The following PTGES2 variants were observed in gnomAD, a reference collection of about 807,000 sequenced individuals.
PTGES2 encodes the protein prostaglandin E synthase 2.
In PTGES2, 35 loss-of-function variants were observed where a neutral mutation model predicts 44.5. The observed-to-expected ratio is 0.79, with a 90% CI of 0.60 to 1.04. The LOEUF is 1.04. Ranked by LOEUF, PTGES2 falls within the 50% of genes least tolerant of loss-of-function variation. PTGES2 has a pLI of 0.00. For missense variants in PTGES2, 517 were observed against 521.4 expected (o/e 0.99, Z 0.08); for synonymous variants, 221 against 227.5 (o/e 0.97, Z 0.26).
chr9:128,128,198 C>G (rs570961736), upstream of PTGES2: 2 of 390,782 alleles, frequency 5.1e-6, no homozygotes, highest in African/African-American at 2.1e-5. Context: ...TGCCCTCCCG[C>G]CTCATTGTCC....
Position 128,123,049 on chromosome 9 carries a change from G to A in PTGES2, c.772C>T (p.Leu258=), listed in dbSNP as rs376627795. 9.3e-6 allele frequency: 15 copies of A among 1,613,566 alleles called. No homozygotes were observed. Among genetic ancestry groups the A allele is most frequent in the African/African-American group, 1.3e-5 (1 of 74,932 alleles). The change falls in exon 5 of 7, where the codon CTG becomes TTG. Residue 258 remains leucine (L), a synonymous_variant. Transcript: ENST00000338961. The surrounding 1 kb of genome is among the most constrained non-coding windows in gnomAD (Gnocchi z 4.4). ...CGGACAATGTAGTCAAAGGACGCCA[G>A]AGCCTCGGTGGGCGTGCGGTACACA... ...PNVYRTPTEA[L]ASFDYIVREG... is the part of the protein sequence containing the mutation.
chr9:128,122,533 G>A lies in PTGES2; in HGVS notation c.888-54C>T. On this transcript the variant is annotated intron_variant, in intron 5 of 6. Transcript: ENST00000338961. ...GGGAGCCCCCACTCCCAGCCCAGCA[G>A]GGAAGAGGGTCTCCTCTGGGGAGAG... 2.0e-6 allele frequency: 3 copies of A among 1,490,730 alleles called. No individual in the cohort carries two copies. In the South Asian group the frequency reaches 3.4e-5, roughly 17 times the overall value. The allele number at this position is 1,490,730 out of a possible 1,614,324, so 92.3% of individuals were successfully genotyped here.
rs1250597668 is a variant in PTGES2, at chr9:128,123,448, G to T, written c.686+254C>A. Reference sequence around the variant, plus strand: ...TTTTATAGAGATGGGGTTTTGCCATGTTGGCCAGGCTGGTCTTGAACTCCT... The same window carrying T: ...TTTTATAGAGATGGGGTTTTGCCATTTTGGCCAGGCTGGTCTTGAACTCCT... On this transcript the variant is annotated intron_variant, in intron 4 of 6. Transcript: ENST00000338961. The surrounding 1 kb of genome is among the most constrained non-coding windows in gnomAD (Gnocchi z 4.4). Among the ~76,000 whole-genome samples, 1 of 152,136 alleles carries T rather than the reference G, an allele frequency of 6.6e-6. No homozygotes were observed. Among genetic ancestry groups the T allele is most frequent in the Non-Finnish European group, 1.5e-5 (1 of 68,016 alleles).
Position 128,122,345 on chromosome 9 carries a change from G to T in PTGES2, c.1005+17C>A. Reference sequence around the variant, plus strand: ...AGAACCCTCGGTCCAGGCACCACCTGCCACCACCACACTCACCAAATCAGC... The same window carrying T: ...AGAACCCTCGGTCCAGGCACCACCTTCCACCACCACACTCACCAAATCAGC... On this transcript the variant is annotated intron_variant, in intron 6 of 6. Transcript: ENST00000338961. 1 of 1,598,740 alleles carries T rather than the reference G, an allele frequency of 6.3e-7. No individual in the cohort carries two copies. Among genetic ancestry groups the T allele is most frequent in the Non-Finnish European group, 8.6e-7 (1 of 1,166,044 alleles).
rs779469553 is a variant in PTGES2 at position 128,127,529 on chromosome 9, C to A, written c.189G>T (p.Ala63=). 1 of 1,302,148 alleles carries A rather than the reference C, an allele frequency of 7.7e-7. No individual in the cohort carries two copies. The highest frequency in any genetic ancestry group is 9.8e-7 in the Non-Finnish European group (1 of 1,025,254). The allele number at this position is 1,302,148 out of a possible 1,614,324, so 80.7% of individuals were successfully genotyped here. Residue 63 remains alanine (A), a synonymous_variant, in exon 1 of 7, where the codon GCG becomes GCT. Coordinates refer to ENST00000338961, the MANE Select transcript of PTGES2 (RefSeq NM_025072.7). The part of the protein sequence containing the change: ...KGSPRLLGAA[A]LALGGALGLY... ...GCCCCAGGGCTCCCCCCAGGGCCAG[C>A]GCCGCAGCTCCCAGCAGCCGCGGGC...
In PTGES2 at chr9:128,124,511, T is replaced by G. The variant is rs760073224; in HGVS notation, c.517A>C (p.Lys173Gln). 1.9e-6 allele frequency: 3 copies of G among 1,613,630 alleles called. No individual in the cohort carries two copies. The highest frequency in any genetic ancestry group is 2.5e-6 in the Non-Finnish European group (3 of 1,179,708). Residue 173 changes from lysine to glutamine, a missense_variant, in exon 3 of 7, where the codon AAG (lysine) becomes CAG (glutamine). Physicochemically the swap from Lys to Gln is moderately conservative, Grantham distance 53. Coordinates refer to ENST00000338961, the MANE Select transcript of PTGES2 (RefSeq NM_025072.7). ...NDSSVIISAL[K>Q]TYLVSGQPLE... ...CCTTACCCCGACACCAGGTAGGTCT[T>G]GAGGGCGCTGATGATGACAGAGGAG...
chr9:128,127,982 C>G (rs950362475), upstream of PTGES2: 2 of 442,248 alleles, frequency 4.5e-6, no homozygotes, highest in African/African-American at 2.1e-5. Flanking sequence ...ACCCGGCCGA[C>G]TGCAGGGGGG....
Position 128,122,385 on chromosome 9 carries a change from G to A in PTGES2, c.982C>T (p.Gln328Ter), listed in dbSNP as rs755759949. The change falls in exon 6 of 7, where the codon CAG becomes TAG. Residue 328 changes from glutamine to a stop codon, truncating the protein, a stop_gained. Coordinates refer to ENST00000338961, the MANE Select transcript of PTGES2 (RefSeq NM_025072.7). LOFTEE classifies it high-confidence loss of function. ...ACCAAATCAGCGAGATTCGGCTTCT[G>A]GCCCCCCATGAAGGGCCGGTCCTTG... ...VGKDRPFMGG[Q>*]KPNLADLAVY... 2 of 1,614,058 alleles carry A rather than the reference G, an allele frequency of 1.2e-6. No individual in the cohort carries two copies. The highest frequency in any genetic ancestry group is 2.2e-5 in the East Asian group (1 of 44,884).
rs370551122 is a variant in PTGES2 at position 128,122,486 on chromosome 9, G to A, written c.888-7C>T. 140 of 1,611,706 alleles carry A rather than the reference G, an allele frequency of 8.7e-5. No homozygotes were observed. Among genetic ancestry groups the A allele is most frequent in the Admixed American group, 1.8e-4 (11 of 59,992 alleles). On this transcript the variant is annotated splice_polypyrimidine_tract_variant and splice_region_variant and intron_variant, in intron 5 of 6. Transcript: ENST00000338961. ...GTTGTCCTGGAGGCGGTGCCTGGGCGGGGAAGGGAAAAGCCCCTCAGGGGA... is the reference window on the plus strand; with the variant it reads ...GTTGTCCTGGAGGCGGTGCCTGGGCAGGGAAGGGAAAAGCCCCTCAGGGGA...
upstream of PTGES2, chr9:128,128,404 T>C (rs916436628): frequency 2.2e-5 from 10 of 454,612 alleles, no homozygotes; most frequent in Non-Finnish European, 3.5e-5. Flanking sequence ...GCCCGGAGCC[T>C]CCACCGCATA....
Position 128,124,866 on chromosome 9 carries a change from C to T in PTGES2, c.478-316G>A, listed in dbSNP as rs979130505. On this transcript the variant is annotated intron_variant, in intron 2 of 6. Coordinates refer to ENST00000338961, the MANE Select transcript of PTGES2 (RefSeq NM_025072.7). Reference sequence around the variant, plus strand: ...CACTGTGCCAGGCATTTCATATCTGCCGTCCCTGCAAGCCAGAATATGGTC... The same window carrying T: ...CACTGTGCCAGGCATTTCATATCTGTCGTCCCTGCAAGCCAGAATATGGTC... 13 of 1,245,142 alleles carry T rather than the reference C, an allele frequency of 1.0e-5. No homozygotes were observed. In the East Asian group the frequency reaches 4.9e-4, roughly 46 times the overall value. 77.1% of individuals were successfully genotyped at this position (1,245,142 alleles called of 1,614,324 possible). A position where few individuals can be genotyped will look rare whatever the true frequency, so the allele number is the denominator to read the frequency against.
At chr9:128,125,213 G>A in intron 2 of PTGES2, 31 bp downstream of exon 2, 1 of 1,546,260 alleles carries the variant, frequency 6.5e-7, no homozygotes, top group South Asian at 1.2e-5. Context: ...CAGGAAAGGA[G>A]GAAGGATGCA....
At chr9:128,124,105 C>T (rs1231381773) in intron 3 of PTGES2, among the ~76,000 whole-genome samples, 8 of 150,264 alleles carry the variant, frequency 5.3e-5, no homozygotes, top group Non-Finnish European at 1.0e-4. Context: ...TTTTTTGAGA[C>T]GGAGTCTCGC....
chr9:128,123,110 C>T lies in PTGES2; in HGVS notation c.711G>A (p.Trp237Ter), dbSNP rs1454921879. ...TCAGGTGCACCAGCCAGTCGTCCGC[C>T]CACTGCCGCCACTTCATCTCCTCCC... ...ARTEEMKWRQ[W>*]ADDWLVHLIS... Residue 237 changes from tryptophan (W) to a stop codon, truncating the protein, a stop_gained, in exon 5 of 7, where the codon TGG (tryptophan) becomes TGA (stop). Coordinates refer to ENST00000338961, the MANE Select transcript of PTGES2 (RefSeq NM_025072.7). LOFTEE classifies it high-confidence loss of function. This position sits in a 1 kb window ranked among gnomAD's most constrained non-coding sequence, Gnocchi z 4.4. 1.9e-6 allele frequency: 3 copies of T among 1,610,114 alleles called. No individual in the cohort carries two copies. The highest frequency in any genetic ancestry group is 2.7e-5 in the African/African-American group (2 of 74,924).
At position 128,122,990 on chromosome 9, in the gene PTGES2, C is replaced by T. The variant is rs1300715660; in HGVS notation, c.831G>A (p.Val277=). 6.2e-7 allele frequency: 1 copy of T among 1,614,082 alleles called. No homozygotes were observed. Among genetic ancestry groups the T allele is most frequent in the East Asian group, 2.2e-5 (1 of 44,890 alleles). The change falls in exon 5 of 7, where the codon GTG becomes GTA. Residue 277 remains valine, a synonymous_variant. Transcript: ENST00000338961. ...EGKFGAVEGA[V]AKYMGAAAMY... ...TGGCCGCTGCACCCATGTACTTGGC[C>T]ACGGCACCCTCCACGGCTCCGAACT...
In PTGES2 at chr9:128,121,152, G is replaced by C; in HGVS notation, c.1127C>G (p.Ala376Gly). 6.3e-7 allele frequency: 1 copy of C among 1,585,940 alleles called. No homozygotes were observed. The highest frequency in any genetic ancestry group is 8.6e-7 in the Non-Finnish European group (1 of 1,166,442). The stretch of plus-strand genomic sequence containing the variant: ...TGCTCTGCGCGGGGACATTCAGTGC[G>C]CTGGGGAGGCCTCGGTGATGGCCCT... ...VERAITEASP[A>G]H Residue 376 changes from alanine (A) to glycine (G), a missense_variant, in exon 7 of 7, where the codon GCG (alanine) becomes GGG (glycine). Coordinates refer to ENST00000338961, the MANE Select transcript of PTGES2 (RefSeq NM_025072.7).
chr9:128,127,128 G>A (rs945763968), intron 1 of PTGES2, among the ~76,000 whole-genome samples: 1 of 132,402 alleles, frequency 7.6e-6, no homozygotes, highest in South Asian at 2.5e-4. Context: ...GCAGTGAGCC[G>A]CGATCGCACT....
chr9:128,124,028 G>C (rs886445135), intron 3 of PTGES2, among the ~76,000 whole-genome samples, 177 bp from the exon 4 acceptor site: 7 of 152,156 alleles, frequency 4.6e-5, no homozygotes, highest in African/African-American at 1.7e-4. Flanking sequence ...AGGGAGGTGT[G>C]GGGAGGACAA....
chr9:128,123,665 G>C lies in PTGES2; in HGVS notation c.686+37C>G. 6.3e-7 allele frequency: 1 copy of C among 1,598,596 alleles called. No homozygotes were observed. Among genetic ancestry groups the C allele is most frequent in the African/African-American group, 1.3e-5 (1 of 74,774 alleles). ...TCCTACTCTACAGAAGACCCCTGCG[G>C]TCACCACCTTCCCCCGCCAGCCCCA... On this transcript the variant is annotated intron_variant, in intron 4 of 6. Transcript: ENST00000338961. This position sits in a 1 kb window ranked among gnomAD's most constrained non-coding sequence, Gnocchi z 4.4.
Sources: allele counts gnomAD v4.1 joint callset (sites outside exome capture counted in the v4.1 genomes callset), GRCh38; gene constraint gnomAD v4.1.1; non-coding constraint Gnocchi (gnomAD v3.1); transcripts MANE v1.5; gene names NCBI Gene and HGNC (gene_info 2026-07-23, HGNC 2026-07-21).